The following ADD2 variants were observed in gnomAD, a reference collection of about 807,000 sequenced individuals.
The protein encoded by ADD2 is adducin 2.
Under a neutral mutation model 83.0 loss-of-function variants are expected in ADD2, and 23 were observed. The observed-to-expected ratio is 0.28, with a 90% CI of 0.20 to 0.39. ADD2 has a LOEUF of 0.39. Among genes scored for constraint, ADD2 ranks in the 10% least tolerant of loss-of-function variants. The pLI is 1.00. For missense variants in ADD2, 758 were observed against 944.9 expected, an observed-to-expected ratio of 0.80 and a Z score of 2.59; for synonymous variants, 375 against 375.4, an observed-to-expected ratio of 1.00 and a Z score of 0.01.
rs782385952 is a variant in ADD2, at chr2:70,674,665, C to T, written c.1741+13G>A. On this transcript the variant is annotated intron_variant, in intron 14 of 15. Transcript: ENST00000264436. ...GGGACTTGGAAGCAAGGGTGTGCCT[C>T]AGGGTCATTTACCATCAAGTTCTAG... 6.2e-7 allele frequency: 1 copy of T among 1,611,674 alleles called. No homozygotes were observed. The highest frequency in any genetic ancestry group is 8.5e-7 in the Non-Finnish European group (1 of 1,178,794).
At chr2:70,691,020 A>G (rs1671004574) in intron 7 of ADD2, 91 bp from the exon 8 acceptor site, 1 of 1,430,768 alleles carries the variant, frequency 7.0e-7, no homozygotes, top group South Asian at 1.5e-5. Context: ...GGGGCCAGTG[A>G]GGGGTGAGGG....
At chr2:70,690,725 T>C in intron 8 of ADD2, 61 bp downstream of exon 8, 1 of 1,552,612 alleles carries the variant, frequency 6.4e-7, no homozygotes, top group Non-Finnish European at 8.7e-7. Flanking sequence ...TATGTCACTT[T>C]TGTGATGTTG....
chr2:70,753,815 C>T (rs1470679276), intron 1 of ADD2, among the ~76,000 whole-genome samples: 3 of 152,164 alleles, frequency 2.0e-5, no homozygotes, highest in African/African-American at 4.8e-5. Context: ...AAAAAGCCTA[C>T]GCTCTCCCAT....
In ADD2 at chr2:70,672,889, T is replaced by C. The variant is rs1669968049; in HGVS notation, c.1859A>G (p.Lys620Arg). 6.2e-7 allele frequency: 1 copy of C among 1,612,550 alleles called. No individual in the cohort carries two copies. The highest frequency in any genetic ancestry group is 8.5e-7 in the Non-Finnish European group (1 of 1,179,490). The part of the protein sequence containing the change: ...ETKSPLVSPS[K>R]SLEEGTKKTE... ...TCAGCTGGACTCACCCTCTAAAGAC[T>C]TGGAAGGAGAGACTAAAGGGCTCTT... The change falls in exon 15 of 16, where the codon AAG becomes AGG. Residue 620 changes from lysine (K) to arginine (R), a missense_variant. This residue lies in a region of ADD2 where 165 missense variants were observed against 176.2 expected (regional missense o/e 0.94). Coordinates refer to ENST00000264436, the MANE Select transcript of ADD2 (RefSeq NM_001617.4).
intron 1 of ADD2, among the ~76,000 whole-genome samples, chr2:70,737,697 A>G (rs2104488414): frequency 6.6e-6 from 1 of 152,308 alleles, no homozygotes; most frequent in Admixed American, 6.5e-5. Flanking sequence ...CACATTGTGC[A>G]CATGTACCCT....
chr2:70,720,328 GT>G (rs1553377111), intron 1 of ADD2, among the ~76,000 whole-genome samples: 1 of 152,146 alleles, frequency 6.6e-6, no homozygotes, highest in African/African-American at 2.4e-5. Flanking sequence ...TATGTTAAGG[GT>G]GGGAGGTCTA....
chr2:70,734,962 G>C (rs368913725), intron 1 of ADD2, among the ~76,000 whole-genome samples: 8 of 152,272 alleles, frequency 5.3e-5, no homozygotes, highest in African/African-American at 1.9e-4. Flanking sequence ...TTGTCTTCAT[G>C]AGTGAATCCT....
Position 70,677,849 on chromosome 2 carries a change from G to T in ADD2, c.1412C>A (p.Ser471Tyr). 1 of 1,614,218 alleles carries T rather than the reference G, an allele frequency of 6.2e-7. No individual in the cohort carries two copies. The change falls in exon 12 of 16, where the codon TCC (serine) becomes TAC (tyrosine). Residue 471 changes from serine (S) to tyrosine (Y), a missense_variant. Ser to Tyr is a moderately radical substitution (Grantham distance 144, BLOSUM62 -2). Transcript: ENST00000264436. The part of the protein sequence containing the change: ...TWMKADEVEK[S>Y]SSGMPIRIEN... Reference sequence around the variant, plus strand: ...GATGCGAATCGGCATGCCACTGCTGGATTTCTCCACCTCGTCAGCCTTCAT... The same window carrying T: ...GATGCGAATCGGCATGCCACTGCTGTATTTCTCCACCTCGTCAGCCTTCAT...
intron 9 of ADD2, among the ~76,000 whole-genome samples, chr2:70,686,162 C>T (rs182952873): frequency 6.6e-6 from 1 of 152,344 alleles, no homozygotes; most frequent in Admixed American, 6.5e-5. Flanking sequence ...GCGGCACCTG[C>T]AGTCACTGTT....
chr2:70,690,381 GC>G (rs1670967275), intron 8 of ADD2, among the ~76,000 whole-genome samples: 2 of 152,202 alleles, frequency 1.3e-5, no homozygotes, highest in African/African-American at 4.8e-5. Context: ...ACGGGCATGA[GC>G]CCTGCACCCA....
chr2:70,737,587 A>C (rs1553380405), intron 1 of ADD2, among the ~76,000 whole-genome samples: 1 of 89,364 alleles, frequency 1.1e-5, no homozygotes, highest in African/African-American at 4.4e-5. Context: ...GGGTGGGGGG[A>C]GGGAGGAGGG....
chr2:70,760,284 C>A (rs1675016481), intron 1 of ADD2, among the ~76,000 whole-genome samples: 1 of 152,112 alleles, frequency 6.6e-6, no homozygotes, highest in East Asian at 1.9e-4. Flanking sequence ...ATACGTCTGC[C>A]TCTCTGCTGG....
At chr2:70,764,590 C>A (rs1675284950) in intron 1 of ADD2, among the ~76,000 whole-genome samples, 1 of 151,946 alleles carries the variant, frequency 6.6e-6, no homozygotes, top group Non-Finnish European at 1.5e-5. Flanking sequence ...TCAAGATGAT[C>A]CAGAACACAT....
At chr2:70,689,669 G>C (rs1284171956) in intron 8 of ADD2, among the ~76,000 whole-genome samples, 1 of 152,202 alleles carries the variant, frequency 6.6e-6, no homozygotes, top group Admixed American at 6.5e-5. Flanking sequence ...AGGGACTCAT[G>C]GGAAATGATT....
At chr2:70,736,013 C>A (rs1288586105) in intron 1 of ADD2, among the ~76,000 whole-genome samples, 2 of 151,998 alleles carry the variant, frequency 1.3e-5, no homozygotes, top group East Asian at 3.9e-4. Context: ...CATGTTCCCC[C>A]ACTTTCCATC....
intron 14 of ADD2, among the ~76,000 whole-genome samples, chr2:70,674,327 C>A (rs1670031754): frequency 6.6e-6 from 1 of 152,112 alleles, no homozygotes; most frequent in Admixed American, 6.5e-5. Context: ...GTTTTGATTG[C>A]CAGGCTAAAA....
rs1252599924 is a variant in ADD2, at chr2:70,662,533, T to C, written c.*892A>G. ...CATTGCTCCAGGTGTCATGCAAAGC[T>C]AGAAAGTCAGCATTTCCTCTGTTGT... On this transcript the variant is annotated 3_prime_UTR_variant, in exon 16 of 16. Transcript: ENST00000264436. The C allele has an allele frequency of 6.6e-6, 1 of 152,234 alleles. No homozygotes were observed. The highest frequency in any genetic ancestry group is 1.5e-5 in the Non-Finnish European group (1 of 68,052). 9.4% of individuals were successfully genotyped at this position (152,234 alleles called of 1,614,324 possible).
Position 70,657,054 on chromosome 2 carries a change from A to G in ADD2, c.*6371T>C, listed in dbSNP as rs1307037959. ...TGTATATATATAAAATTGCAAAATA[A>G]AAGCCCAAGAAACTAACCACCGATC... On this transcript the variant is annotated 3_prime_UTR_variant, in exon 16 of 16. Coordinates refer to ENST00000264436, the MANE Select transcript of ADD2 (RefSeq NM_001617.4). 6.6e-6 allele frequency: 1 copy of G among 151,704 alleles called. No homozygotes were observed. The highest frequency in any genetic ancestry group is 1.5e-5 in the Non-Finnish European group (1 of 67,968). 9.4% of individuals were successfully genotyped at this position (151,704 alleles called of 1,614,324 possible).
chr2:70,722,067 G>T (rs1332549606), intron 1 of ADD2, among the ~76,000 whole-genome samples: 1 of 152,178 alleles, frequency 6.6e-6, no homozygotes. Context: ...GGAGACCCAG[G>T]CCAGCCTCAC....
Sources: allele counts gnomAD v4.1 joint callset (sites outside exome capture counted in the v4.1 genomes callset), GRCh38; gene constraint gnomAD v4.1.1; regional missense constraint gnomAD v4.1.1; transcripts MANE v1.5; gene names NCBI Gene and HGNC (gene_info 2026-07-23, HGNC 2026-07-21).